The following IMPACT variants were observed in gnomAD, a reference collection of about 807,000 sequenced individuals.
IMPACT encodes the protein impact RWD domain protein, also known as protein IMPACT.
IMPACT carries 35 observed loss-of-function variants against 47.5 expected under a neutral mutation model. The observed-to-expected ratio is 0.74, with a 90% CI of 0.56 to 0.98. IMPACT has a LOEUF of 0.98. IMPACT is among the 50% of genes least tolerant of loss of function. The pLI is 0.00. For missense variants in IMPACT, 373 were observed against 394.8 expected (o/e 0.94, Z 0.47); for synonymous variants, 118 against 125.6 (o/e 0.94, Z 0.40).
In IMPACT at chr18:24,448,171, T is replaced by G. The variant is rs754472500; in HGVS notation, c.747T>G (p.Leu249=). 16 of 1,611,958 alleles carry G rather than the reference T, an allele frequency of 9.9e-6. No homozygotes were observed. Among genetic ancestry groups the G allele is most frequent in the Non-Finnish European group, 2.5e-6 (3 of 1,178,244 alleles). Residue 249 remains leucine (L), a synonymous_variant, in exon 9 of 11, where the codon CTT becomes CTG. Transcript: ENST00000284202. ...DGETAAGGRL[L]HLMEILNVKN... The stretch of plus-strand genomic sequence containing the variant: ...AAACAGCAGCTGGTGGGCGTCTTCT[T>G]CATCTCATGGAGGTAGGTGTAAGTT...
chr18:24,440,449 C>G, intron 5 of IMPACT, 47 bp from the exon 6 acceptor site: 1 of 1,584,844 alleles, frequency 6.3e-7, no homozygotes, highest in Admixed American at 1.9e-5. Context: ...TAAAAAGCAT[C>G]GTTTCTTACC....
intron 5 of IMPACT, among the ~76,000 whole-genome samples, chr18:24,439,226 T>G (rs1909028287): frequency 6.6e-6 from 1 of 152,098 alleles, no homozygotes; most frequent in East Asian, 1.9e-4. Flanking sequence ...AAAATAGTGT[T>G]TAACCAAATA....
chr18:24,444,872 C>T (rs1909208328), intron 7 of IMPACT, among the ~76,000 whole-genome samples: 1 of 152,140 alleles, frequency 6.6e-6, no homozygotes, highest in Non-Finnish European at 1.5e-5. Flanking sequence ...GCATATAGCC[C>T]TATTCTCTGT....
rs921378344 is a variant in IMPACT at position 24,451,404 on chromosome 18, C to G, written c.*557C>G. The G allele has an allele frequency of 5.9e-5, 9 of 152,144 alleles. No homozygotes were observed. The highest frequency in any genetic ancestry group is 2.2e-4 in the African/African-American group (9 of 41,434). The allele number at this position is 152,144 out of a possible 1,614,324, so 9.4% of individuals were successfully genotyped here. A position where few individuals can be genotyped will look rare whatever the true frequency, so the allele number is the denominator to read the frequency against. ...GGATTAAGTGAAAATCCAGGAGTATCCATCTGCAGTTATGTGCTGAGGTGA... is the reference window on the plus strand; with the variant it reads ...GGATTAAGTGAAAATCCAGGAGTATGCATCTGCAGTTATGTGCTGAGGTGA... On this transcript the variant is annotated 3_prime_UTR_variant, in exon 11 of 11. Transcript: ENST00000284202.
chr18:24,432,126 C>T (rs1908774291), intron 4 of IMPACT, among the ~76,000 whole-genome samples: 1 of 152,136 alleles, frequency 6.6e-6, no homozygotes, highest in Non-Finnish European at 1.5e-5. Context: ...TGCAGAGATA[C>T]AGGTTTAAGC....
rs139930787 is a variant in IMPACT, at chr18:24,437,555, A to G, written c.282-400A>G. On this transcript the variant is annotated intron_variant, in intron 4 of 10. Transcript: ENST00000284202. ...GTATACTAAATGATAAGTGTACCAA[A>G]TAAGGGGTTTGAAATTCTTAAAAAA... 3.9e-5 allele frequency among the ~76,000 whole-genome samples: 6 copies of G among 152,336 alleles called. No individual in the cohort carries two copies. In the East Asian group the frequency reaches 1.2e-3, roughly 29 times the overall value.
chr18:24,434,210 T>C (rs1908843602), intron 4 of IMPACT, among the ~76,000 whole-genome samples: 1 of 151,710 alleles, frequency 6.6e-6, no homozygotes, highest in Non-Finnish European at 1.5e-5. Context: ...ATTAACTGGG[T>C]GTGATGGGGC....
chr18:24,443,508 T>A (rs1296639743), intron 7 of IMPACT, among the ~76,000 whole-genome samples: 1 of 152,216 alleles, frequency 6.6e-6, no homozygotes, highest in Non-Finnish European at 1.5e-5. Context: ...ATCTAAACTC[T>A]GATTAGGGGT....
chr18:24,446,310 C>T (rs1114257), intron 8 of IMPACT, among the ~76,000 whole-genome samples: 2,232 of 152,222 alleles, frequency 0.015, 55 homozygotes, highest in African/African-American at 0.051. Context: ...AAGTGATCTG[C>T]CAACCTTGGC....
intron 4 of IMPACT, among the ~76,000 whole-genome samples, chr18:24,435,002 C>T (rs1908886354): frequency 6.8e-6 from 1 of 147,194 alleles, no homozygotes; most frequent in African/African-American, 2.5e-5. Context: ...GAGGTGGGGT[C>T]TATCTCTGTT....
At position 24,426,687 on chromosome 18, in the gene IMPACT, C is replaced by T. The variant is rs527281054; in HGVS notation, c.-70C>T. 99 of 1,152,484 alleles carry T rather than the reference C, an allele frequency of 8.6e-5. 2 individuals carry two copies. In the South Asian group the frequency reaches 3.6e-3, roughly 42 times the overall value. The allele number at this position is 1,152,484 out of a possible 1,614,324, so 71.4% of individuals were successfully genotyped here. On this transcript the variant is annotated 5_prime_UTR_variant, in exon 1 of 11. Transcript: ENST00000284202. ...CGCGCCGCAGCCAGCTCTCGGCTCG[C>T]AGCCGCAGCGCCCCGCCCCCGCGCT...
chr18:24,440,752 A>G (rs922576316), intron 6 of IMPACT, 134 bp downstream of exon 6: 2 of 909,774 alleles, frequency 2.2e-6, no homozygotes, highest in African/African-American at 3.5e-5. Flanking sequence ...GATAAGATTA[A>G]TTTTTTCCTG....
rs1172395953 is a variant in IMPACT, at chr18:24,437,954, G to T, written c.282-1G>T. 1.3e-6 allele frequency: 2 copies of T among 1,492,188 alleles called. No individual in the cohort carries two copies. Among genetic ancestry groups the T allele is most frequent in the Non-Finnish European group, 1.8e-6 (2 of 1,090,480 alleles). The allele number at this position is 1,492,188 out of a possible 1,614,324, so 92.4% of individuals were successfully genotyped here. ...TTTTTTTTCCCCTGAATTTTGTTTA[G>T]TCAGAATATCGGTGAAAGTATTCTT... On this transcript the variant is annotated splice_acceptor_variant, in intron 4 of 10. Transcript: ENST00000284202. LOFTEE classifies it high-confidence loss of function.
intron 3 of IMPACT, among the ~76,000 whole-genome samples, chr18:24,429,185 C>G (rs749171020): frequency 6.6e-6 from 1 of 152,068 alleles, no homozygotes; most frequent in Admixed American, 6.5e-5. Flanking sequence ...AGGAAGGAAA[C>G]CTTCCTCTTT....
rs1380273750 is a variant in IMPACT, at chr18:24,451,524, T to G, written c.*677T>G. On this transcript the variant is annotated 3_prime_UTR_variant, in exon 11 of 11. Coordinates refer to ENST00000284202, the MANE Select transcript of IMPACT (RefSeq NM_018439.4). The stretch of plus-strand genomic sequence containing the variant: ...AATTACAGAAAGTGATTTTCTAGTC[T>G]GCTTTTTTTGTTTAATTCTTGTAAT... 1 of 152,246 alleles carries G rather than the reference T, an allele frequency of 6.6e-6. No individual in the cohort carries two copies. The allele number at this position is 152,246 out of a possible 1,614,324, so 9.4% of individuals were successfully genotyped here. A position where few individuals can be genotyped will look rare whatever the true frequency, so the allele number is the denominator to read the frequency against.
intron 7 of IMPACT, among the ~76,000 whole-genome samples, chr18:24,444,634 A>ACT (rs1480563795): frequency 6.6e-6 from 1 of 151,998 alleles, no homozygotes; most frequent in Non-Finnish European, 1.5e-5. Flanking sequence ...TCTCATTCAT[A>ACT]CTCTAAGTTA....
intron 5 of IMPACT, 109 bp from the exon 6 acceptor site, chr18:24,440,387 T>C: frequency 8.8e-7 from 1 of 1,131,752 alleles, no homozygotes; most frequent in Non-Finnish European, 1.3e-6. Context: ...TGAGTGCTGG[T>C]TCCTTTCGTT....
chr18:24,429,692 A>T (rs2144330482), intron 3 of IMPACT: 1 of 152,146 alleles, frequency 6.6e-6, no homozygotes, highest in South Asian at 2.1e-4. Flanking sequence ...ATTAATGCTT[A>T]CTGTTAATAA....
intron 4 of IMPACT, among the ~76,000 whole-genome samples, chr18:24,430,822 A>G (rs1908736100): frequency 6.6e-6 from 1 of 152,234 alleles, no homozygotes; most frequent in South Asian, 2.1e-4. Context: ...AAGTAAATTC[A>G]GAGATACTGC....
Sources: gnomAD v4.1 joint callset for allele counts (sites outside exome capture counted in the v4.1 genomes callset) on GRCh38, gnomAD v4.1.1 for gene constraint, MANE v1.5 for transcripts, NCBI Gene and HGNC (gene_info 2026-07-23, HGNC 2026-07-21) for gene names.